The following CORO1C variants were observed in gnomAD, a reference collection of about 807,000 sequenced individuals.
CORO1C encodes coronin-1C.
A neutral mutation model predicts 51.2 loss-of-function variants in CORO1C; 14 were observed. The ratio of observed to expected loss-of-function variants is 0.27; its 90% CI spans 0.18 to 0.43. CORO1C has a LOEUF of 0.43. Ranked by LOEUF, CORO1C falls within the 20% of genes least tolerant of loss-of-function variation. CORO1C has a pLI of 1.00. For synonymous variants in CORO1C, 181 were observed against 210.5 expected (o/e 0.86, Z 1.21); for missense variants, 417 against 607.8 (o/e 0.69, Z 3.30).
At position 108,663,528 on chromosome 12, in the gene CORO1C, A is replaced by G. The variant is rs572126842; in HGVS notation, c.319-1370T>C. Among the ~76,000 whole-genome samples, 359 of 152,376 alleles carry G rather than the reference A, an allele frequency of 2.4e-3. 1 individual carries two copies. The highest frequency in any genetic ancestry group is 0.01 in the Middle Eastern group (3 of 294). ...AAAGAATGAAGTACTGATACATGCTACAACATGAGCAAACTCTAAAAACAT... is the reference window on the plus strand; with the variant it reads ...AAAGAATGAAGTACTGATACATGCTGCAACATGAGCAAACTCTAAAAACAT... On this transcript the variant is annotated intron_variant, in intron 3 of 10. Transcript: ENST00000261401.
intron 2 of CORO1C, 173 bp downstream of exon 2, chr12:108,700,951 T>C: frequency 1.4e-6 from 1 of 710,404 alleles, no homozygotes; most frequent in Non-Finnish European, 2.4e-6. Context: ...ATTTAATGAT[T>C]CTCTGTTAGA....
chr12:108,687,536 G>A (rs953968218), intron 2 of CORO1C, among the ~76,000 whole-genome samples: 4 of 151,894 alleles, frequency 2.6e-5, no homozygotes, highest in Admixed American at 2.6e-4. Flanking sequence ...TGTAATCTCA[G>A]CACTTTGGGA....
At chr12:108,647,750 TCACAGTGC>T (rs2093198939) in intron 10 of CORO1C, among the ~76,000 whole-genome samples, 1 of 152,206 alleles carries the variant, frequency 6.6e-6, no homozygotes, top group African/African-American at 2.4e-5. Flanking sequence ...TGTCACAGTG[TCACAGTGC>T]CACTTCTGAT....
intron 8 of CORO1C, chr12:108,652,055 C>CTTTTTTTTTT (rs202228272): frequency 3.5e-4 from 50 of 142,860 alleles, no homozygotes; most frequent in South Asian, 1.1e-3. Flanking sequence ...TTTTTCTTTT[C>CTTTTTTTTTT]TTTTTTTTTT....
At chr12:108,689,186 C>T (rs145282594) in intron 2 of CORO1C, among the ~76,000 whole-genome samples, 3 of 151,954 alleles carry the variant, frequency 2.0e-5, no homozygotes, top group Admixed American at 1.3e-4. Context: ...GGCAACAGAG[C>T]GAGACTCCAT....
intron 1 of CORO1C, among the ~76,000 whole-genome samples, chr12:108,706,264 A>G (rs539260918): frequency 3.5e-4 from 54 of 152,256 alleles, no homozygotes; most frequent in African/African-American, 1.3e-3. Flanking sequence ...TCAAGAAACT[A>G]GGAATAGAAG....
At chr12:108,702,783 CAG>C (rs770246741) in intron 1 of CORO1C, 69 of 1,494,798 alleles carry the variant, frequency 4.6e-5, no homozygotes, top group Non-Finnish European at 5.9e-5. Context: ...TTATTTTTGC[CAG>C]AGTCTCTTAC....
At chr12:108,682,054 G>T (rs2034142488) in intron 2 of CORO1C, among the ~76,000 whole-genome samples, 1 of 151,260 alleles carries the variant, frequency 6.6e-6, no homozygotes, top group Non-Finnish European at 1.5e-5. Context: ...CTGGGGGTGG[G>T]TGGGGGTGGA....
chr12:108,719,350 A>C (rs756035728), intron 1 of CORO1C, among the ~76,000 whole-genome samples: 3 of 152,212 alleles, frequency 2.0e-5, no homozygotes, highest in Non-Finnish European at 4.4e-5. Flanking sequence ...TATACACACA[A>C]ATGCAATTAC....
At chr12:108,689,113 T>A (rs1339768722) in intron 2 of CORO1C, among the ~76,000 whole-genome samples, 1 of 150,530 alleles carries the variant, frequency 6.6e-6, no homozygotes, top group Non-Finnish European at 1.5e-5. Flanking sequence ...GGTGGGAGAA[T>A]CACTTGAACC....
intron 2 of CORO1C, among the ~76,000 whole-genome samples, chr12:108,683,640 C>T (rs1183352841): frequency 6.6e-6 from 1 of 152,038 alleles, no homozygotes; most frequent in Non-Finnish European, 1.5e-5. Flanking sequence ...ATGAAATACA[C>T]AATCTCACAG....
intron 1 of CORO1C, chr12:108,730,482 G>A (rs961615155): frequency 2.6e-5 from 4 of 152,372 alleles, no homozygotes; most frequent in Non-Finnish European, 4.4e-5. Context: ...GGTGGGGACA[G>A]GCGGGAGAGC....
intron 2 of CORO1C, among the ~76,000 whole-genome samples, chr12:108,685,505 TAAAG>T (rs1312316328): frequency 1.3e-5 from 2 of 151,820 alleles, no homozygotes; most frequent in African/African-American, 2.4e-5. Flanking sequence ...ATTTTCCAAA[TAAAG>T]AAACTGAGGC....
chr12:108,674,602 G>A (rs1040425923), intron 3 of CORO1C, among the ~76,000 whole-genome samples: 1 of 151,268 alleles, frequency 6.6e-6, no homozygotes, highest in East Asian at 1.9e-4. Context: ...CATTTTAGGT[G>A]ACATTAAGAA....
intron 2 of CORO1C, among the ~76,000 whole-genome samples, chr12:108,692,117 ATTTGGAAGTCATTGTTC>A (rs2034519468): frequency 6.6e-6 from 1 of 151,962 alleles, no homozygotes; most frequent in African/African-American, 2.4e-5. Flanking sequence ...TCGTGACATA[ATTTGGAAGTCATTGTTC>A]TGCACCTGGT....
rs1013070019 is a variant in CORO1C, at chr12:108,719,338, C to T, written c.-6+12091G>A. 7.9e-5 allele frequency among the ~76,000 whole-genome samples: 12 copies of T among 152,310 alleles called. No homozygotes were observed. The South Asian group carries it at 1.2e-3, about 16-fold the overall frequency. On this transcript the variant is annotated intron_variant, in intron 1 of 10. Coordinates refer to ENST00000261401, the MANE Select transcript of CORO1C (RefSeq NM_014325.4). Reference sequence around the variant, plus strand: ...AAAACTACCAGAAATAACACACACACGTATACACACAAATGCAATTACAAA... The same window carrying T: ...AAAACTACCAGAAATAACACACACATGTATACACACAAATGCAATTACAAA...
chr12:108,676,375 T>A (rs1191825150), intron 3 of CORO1C, among the ~76,000 whole-genome samples: 1 of 152,046 alleles, frequency 6.6e-6, no homozygotes, highest in African/African-American at 2.4e-5. Context: ...ATACACACTA[T>A]TTTTTTTAAA....
At chr12:108,722,233 C>T (rs192669848) in intron 1 of CORO1C, among the ~76,000 whole-genome samples, 2 of 152,278 alleles carry the variant, frequency 1.3e-5, no homozygotes, top group Admixed American at 1.3e-4. Flanking sequence ...ATGAATAAAG[C>T]CTGTAGTCAT....
At chr12:108,724,851 C>T (rs761678353) in intron 1 of CORO1C, among the ~76,000 whole-genome samples, 5 of 152,124 alleles carry the variant, frequency 3.3e-5, no homozygotes, top group Non-Finnish European at 7.4e-5. Flanking sequence ...CTGCAGCAAA[C>T]GGGAGGAACT....
Sources: allele counts gnomAD v4.1 joint callset (sites outside exome capture counted in the v4.1 genomes callset), GRCh38; gene constraint gnomAD v4.1.1; transcripts MANE v1.5; gene names NCBI Gene and HGNC (gene_info 2026-07-23, HGNC 2026-07-21).